The following COX7B2 variants were observed in gnomAD, a reference collection of about 807,000 sequenced individuals.
COX7B2 encodes cytochrome c oxidase subunit 7B2, mitochondrial.
For missense variants in COX7B2, 109 were observed against 95.9 expected, an observed-to-expected ratio of 1.14 and a Z score of -0.57; for synonymous variants, 37 against 32.1, an observed-to-expected ratio of 1.15 and a Z score of -0.51.
intron 1 of COX7B2, among the ~76,000 whole-genome samples, chr4:46,850,275 T>C (rs894486423): frequency 2.0e-5 from 3 of 149,504 alleles, no homozygotes; most frequent in Non-Finnish European, 4.4e-5. Flanking sequence ...GATTTAAAAA[T>C]AATGATTTAA....
At chr4:46,738,982 C>T (rs998619966) in intron 2 of COX7B2, among the ~76,000 whole-genome samples, 8 of 152,028 alleles carry the variant, frequency 5.3e-5, no homozygotes, top group Non-Finnish European at 1.2e-4. Context: ...ATAACTAATA[C>T]TTGATCTCAG....
intron 2 of COX7B2, among the ~76,000 whole-genome samples, chr4:46,812,003 C>G (rs144732369): frequency 6.6e-6 from 1 of 152,124 alleles, no homozygotes; most frequent in Non-Finnish European, 1.5e-5. Flanking sequence ...TCTTGTTTTT[C>G]TCACAGTGGG....
intron 2 of COX7B2, among the ~76,000 whole-genome samples, chr4:46,792,476 T>A (rs1221116402): frequency 2.0e-5 from 3 of 152,066 alleles, no homozygotes; most frequent in African/African-American, 7.2e-5. Flanking sequence ...AAAGGTAAAA[T>A]AAGTTTGAAT....
intron 1 of COX7B2, among the ~76,000 whole-genome samples, chr4:46,896,493 T>TA (rs1719770538): frequency 6.6e-6 from 1 of 152,190 alleles, no homozygotes; most frequent in African/African-American, 2.4e-5. Flanking sequence ...GTAAAACTGT[T>TA]AAAATAGGAA....
intron 1 of COX7B2, among the ~76,000 whole-genome samples, chr4:46,867,328 A>T (rs530813821): frequency 6.6e-6 from 1 of 152,158 alleles, no homozygotes; most frequent in Admixed American, 6.5e-5. Flanking sequence ...ATGGGAAAAA[A>T]TAAGGTAGGA....
At chr4:46,876,925 A>G (rs890016744) in intron 1 of COX7B2, among the ~76,000 whole-genome samples, 1 of 152,248 alleles carries the variant, frequency 6.6e-6, no homozygotes, top group African/African-American at 2.4e-5. Flanking sequence ...ACTTTTGTAT[A>G]TAAAAATTTA....
At chr4:46,893,455 C>T (rs1451082288) in intron 1 of COX7B2, among the ~76,000 whole-genome samples, 1 of 152,130 alleles carries the variant, frequency 6.6e-6, no homozygotes, top group Non-Finnish European at 1.5e-5. Flanking sequence ...AGAAATGCCT[C>T]CTTCATTTGT....
intron 2 of COX7B2, among the ~76,000 whole-genome samples, chr4:46,758,828 T>G (rs528738560): frequency 6.6e-6 from 1 of 152,098 alleles, no homozygotes; most frequent in Non-Finnish European, 1.5e-5. Context: ...AGCCTAGGCC[T>G]AAGATAGAAA....
intron 2 of COX7B2, among the ~76,000 whole-genome samples, chr4:46,770,248 G>C (rs886222345): frequency 1.3e-5 from 2 of 151,960 alleles, no homozygotes; most frequent in African/African-American, 4.8e-5. Flanking sequence ...AATAACAATA[G>C]CATCAAAAAT....
At chr4:46,788,734 A>G (rs1717883767) in intron 2 of COX7B2, among the ~76,000 whole-genome samples, 1 of 152,228 alleles carries the variant, frequency 6.6e-6, no homozygotes, top group Non-Finnish European at 1.5e-5. Context: ...CAAAACTAAT[A>G]GTAAACTCAC....
intron 2 of COX7B2, among the ~76,000 whole-genome samples, chr4:46,830,822 G>A (rs1350090255): frequency 6.6e-6 from 1 of 152,232 alleles, no homozygotes; most frequent in Non-Finnish European, 1.5e-5. Context: ...GGGCATTAAT[G>A]TACAGTCATC....
chr4:46,801,989 A>G (rs1328727458), intron 2 of COX7B2, among the ~76,000 whole-genome samples: 1 of 152,158 alleles, frequency 6.6e-6, no homozygotes, highest in Non-Finnish European at 1.5e-5. Flanking sequence ...CCTAGACACA[A>G]TAGCCTCTAG....
intron 2 of COX7B2, among the ~76,000 whole-genome samples, chr4:46,817,433 A>C (rs1204529747): frequency 1.3e-5 from 2 of 152,212 alleles, no homozygotes; most frequent in South Asian, 2.1e-4. Flanking sequence ...TCAGTCCCCC[A>C]GGTCTATAGG....
At chr4:46,881,151 G>A (rs1483876702) in intron 1 of COX7B2, among the ~76,000 whole-genome samples, 1 of 152,110 alleles carries the variant, frequency 6.6e-6, no homozygotes. Context: ...ATTTTGCCAA[G>A]GTTGAGGATG....
chr4:46,786,749 GGGA>G (rs1717771900), intron 2 of COX7B2, among the ~76,000 whole-genome samples: 2 of 152,270 alleles, frequency 1.3e-5, no homozygotes, highest in Non-Finnish European at 2.9e-5. Context: ...AGATATCTTA[GGGA>G]GGAAAGTAGC....
chr4:46,840,810 G>A (rs1281787352), intron 2 of COX7B2, among the ~76,000 whole-genome samples: 1 of 152,026 alleles, frequency 6.6e-6, no homozygotes, highest in Non-Finnish European at 1.5e-5. Flanking sequence ...CCACTGAAGA[G>A]ATACCTAATT....
chr4:46,885,620 T>C (rs1187903768), intron 1 of COX7B2, among the ~76,000 whole-genome samples: 1 of 152,138 alleles, frequency 6.6e-6, no homozygotes, highest in Admixed American at 6.5e-5. Flanking sequence ...GACATAAATA[T>C]GAACAAGATA....
At chr4:46,909,050 A>C (rs562681587) in intron 1 of COX7B2, 110 bp downstream of exon 1, 2 of 152,350 alleles carry the variant, frequency 1.3e-5, no homozygotes, top group South Asian at 4.2e-4. Flanking sequence ...GTCTCAAAAA[A>C]AAAAAAAAAT....
chr4:46,740,885 A>C (rs1001363709), intron 2 of COX7B2, among the ~76,000 whole-genome samples: 1 of 152,088 alleles, frequency 6.6e-6, no homozygotes, highest in Non-Finnish European at 1.5e-5. Flanking sequence ...TCTGTTCAAA[A>C]TCAGCAGATA....
Sources: allele counts gnomAD v4.1 joint callset (sites outside exome capture counted in the v4.1 genomes callset), GRCh38; gene constraint gnomAD v4.1.1; transcripts MANE v1.5; gene names NCBI Gene and HGNC (gene_info 2026-07-23, HGNC 2026-07-21).